The following NUP210 variants were observed in gnomAD, a reference collection of about 807,000 sequenced individuals.
NUP210 encodes the protein nucleoporin 210, also known as nuclear pore membrane glycoprotein 210.
NUP210 carries 151 observed loss-of-function variants against 196.0 expected under a neutral mutation model. That is an observed-to-expected ratio of 0.77 (90% CI 0.67 to 0.88). The LOEUF is 0.88. NUP210 is among the 40% of genes least tolerant of loss of function. The pLI, the probability that NUP210 is intolerant of heterozygous loss-of-function variation, is 0.00. For synonymous variants in NUP210, 1,070 were observed against 1,052.7 expected (o/e 1.02, Z -0.32); for missense variants, 2,314 against 2,493.7 (o/e 0.93, Z 1.53).
intron 4 of NUP210, among the ~76,000 whole-genome samples, chr3:13,390,231 G>A (rs1195683793): frequency 2.0e-5 from 3 of 152,208 alleles, no homozygotes; most frequent in African/African-American, 7.2e-5. Flanking sequence ...GGGACATGAG[G>A]CTGGCAGCCG....
At chr3:13,361,745 T>C (rs952098611) in intron 14 of NUP210, among the ~76,000 whole-genome samples, 2 of 152,170 alleles carry the variant, frequency 1.3e-5, no homozygotes, top group Non-Finnish European at 1.5e-5. Flanking sequence ...CCCTGTCCCT[T>C]GTGCATTAAA....
chr3:13,324,093 A>C (rs550172215), intron 33 of NUP210, among the ~76,000 whole-genome samples: 40 of 152,266 alleles, frequency 2.6e-4, no homozygotes, highest in African/African-American at 9.6e-4. Flanking sequence ...GATGTGGCCC[A>C]TGCAGAGCTG....
chr3:13,330,543 C>G lies in NUP210; in HGVS notation c.4027G>C (p.Gly1343Arg), dbSNP rs752231621. The change falls in exon 30 of 40, where the codon GGG (glycine) becomes CGG (arginine). Residue 1343 changes from glycine to arginine, a missense_variant. By Grantham distance (125) the Gly-to-Arg change is moderately radical. Transcript: ENST00000254508. ...HVDEKGFLAS[G>R]SMIGTSTIEV... ...ATGGTGGATGTCCCGATCATAGACC[C>G]TGATGCTAGAAAGCCTTTCTCATCA... is the stretch of plus-strand genomic sequence containing the variant. The G allele has an allele frequency of 6.2e-6, 10 of 1,614,130 alleles. No homozygotes were observed. Among genetic ancestry groups the G allele is most frequent in the Non-Finnish European group, 8.5e-6 (10 of 1,180,048 alleles).
At position 13,316,697 on chromosome 3, in the gene NUP210, G is replaced by A. The variant is rs1467385016; in HGVS notation, c.*984C>T. The A allele has an allele frequency of 2.0e-5, 3 of 152,306 alleles. No individual in the cohort carries two copies. The highest frequency in any genetic ancestry group is 4.8e-5 in the African/African-American group (2 of 41,470). The allele number at this position is 152,306 out of a possible 1,614,324, so 9.4% of individuals were successfully genotyped here. Reference sequence around the variant, plus strand: ...GCTGGGAAGCTGTCTGGGGCCCTGCGCCTGATGAGCTGCCATGAAAGTGGC... The same window carrying A: ...GCTGGGAAGCTGTCTGGGGCCCTGCACCTGATGAGCTGCCATGAAAGTGGC... On this transcript the variant is annotated 3_prime_UTR_variant, in exon 40 of 40. Transcript: ENST00000254508.
chr3:13,394,184 T>C (rs888059944), intron 3 of NUP210, among the ~76,000 whole-genome samples: 1 of 152,100 alleles, frequency 6.6e-6, no homozygotes, highest in Admixed American at 6.5e-5. Flanking sequence ...AAGCATGGCT[T>C]CTGAAAGCAG....
At chr3:13,370,244 C>T (rs1457213354) in intron 13 of NUP210, among the ~76,000 whole-genome samples, 2 of 152,194 alleles carry the variant, frequency 1.3e-5, no homozygotes, top group East Asian at 3.8e-4. Flanking sequence ...GTACAAGGCA[C>T]TTCCTAAGAG....
rs1698953488 is a variant in NUP210 at position 13,377,479 on chromosome 3, T to C, written c.1129A>G (p.Ser377Gly). Residue 377 changes from serine (S) to glycine (G), a missense_variant, in exon 9 of 40, where the codon AGC becomes GGC. Ser to Gly is a moderately conservative substitution (Grantham distance 56). Coordinates refer to ENST00000254508, the MANE Select transcript of NUP210 (RefSeq NM_024923.4). The part of the protein sequence containing the change: ...EITIEVFDKF[S>G]NKVYVSDNIR... ...ACGTCAGATACATAGACCTTGTTGC[T>C]GAACTTGTCAAAAACTTCGATGGTG... The C allele has an allele frequency of 1.2e-6, 2 of 1,613,636 alleles. No individual in the cohort carries two copies. The highest frequency in any genetic ancestry group is 2.2e-5 in the East Asian group (1 of 44,878).
chr3:13,352,028 A>C, intron 19 of NUP210, 48 bp from the exon 20 acceptor site: 1 of 1,602,010 alleles, frequency 6.2e-7, no homozygotes, highest in Non-Finnish European at 8.6e-7. Context: ...TGGGAGGGCG[A>C]GGAGTCCCCC....
At chr3:13,416,248 A>G (rs1700345029) in intron 1 of NUP210, among the ~76,000 whole-genome samples, 1 of 151,836 alleles carries the variant, frequency 6.6e-6, no homozygotes, top group African/African-American at 2.4e-5. Context: ...CAGGGGCAGG[A>G]AAGGAGAAGT....
chr3:13,412,503 C>T (rs976515573), intron 1 of NUP210, among the ~76,000 whole-genome samples: 7 of 151,920 alleles, frequency 4.6e-5, no homozygotes, highest in Admixed American at 6.5e-5. Flanking sequence ...CACCTGAGGT[C>T]GGGAGTTCGA....
chr3:13,398,855 G>C (rs1279282035), intron 2 of NUP210, among the ~76,000 whole-genome samples: 5 of 152,068 alleles, frequency 3.3e-5, no homozygotes, highest in Non-Finnish European at 5.9e-5. Flanking sequence ...GATTGCTTGA[G>C]TCCAGGAGGT....
At chr3:13,395,235 A>T (rs1006035649) in intron 3 of NUP210, among the ~76,000 whole-genome samples, 2 of 152,208 alleles carry the variant, frequency 1.3e-5, no homozygotes, top group African/African-American at 4.8e-5. Context: ...GGGAGAATGG[A>T]TACACATTCA....
intron 5 of NUP210, among the ~76,000 whole-genome samples, chr3:13,387,937 C>A (rs1228672312): frequency 6.6e-6 from 1 of 152,096 alleles, no homozygotes; most frequent in African/African-American, 2.4e-5. Context: ...CCCAGGAGCC[C>A]CAGGTTTTGT....
chr3:13,328,794 C>T lies in NUP210; in HGVS notation c.4263G>A (p.Ser1421=), dbSNP rs370150397. ...NSGDVFHAHS[S]VLNFATNRDD... is the part of the protein sequence containing the mutation. ...ACCTGTTAGTGGCAAAGTTGAGGACCGAACTGTGAGCATGGAAGACATCTC... is the reference window on the plus strand; with the variant it reads ...ACCTGTTAGTGGCAAAGTTGAGGACTGAACTGTGAGCATGGAAGACATCTC... Residue 1421 remains serine (S), a synonymous_variant, in exon 31 of 40, where the codon TCG becomes TCA. Transcript: ENST00000254508. 4.8e-5 allele frequency: 77 copies of T among 1,613,964 alleles called. No homozygotes were observed. The highest frequency in any genetic ancestry group is 2.4e-4 in the African/African-American group (18 of 74,914).
intron 13 of NUP210, among the ~76,000 whole-genome samples, chr3:13,366,642 C>A (rs1005845640): frequency 1.3e-5 from 2 of 151,558 alleles, no homozygotes; most frequent in African/African-American, 4.8e-5. Flanking sequence ...CTCAGCCTCC[C>A]GAGTAGCTGG....
chr3:13,404,548 C>T (rs1030527460), intron 1 of NUP210, among the ~76,000 whole-genome samples: 25 of 152,320 alleles, frequency 1.6e-4, no homozygotes, highest in Non-Finnish European at 3.2e-4. Flanking sequence ...ACTTAAAGAA[C>T]TACTGCTATG....
intron 33 of NUP210, 150 bp downstream of exon 33, chr3:13,325,645 G>T: frequency 2.4e-6 from 2 of 827,170 alleles, no homozygotes; most frequent in Non-Finnish European, 3.8e-6. Flanking sequence ...GTCAGAGTCA[G>T]CAAGTGGCCA....
Position 13,379,923 on chromosome 3 carries a change from TC to T in NUP210, c.818-203del, listed in dbSNP as rs1217761277. On this transcript the variant is annotated intron_variant, in intron 6 of 39. Transcript: ENST00000254508. This position sits in a 1 kb window ranked among gnomAD's most constrained non-coding sequence, Gnocchi z 4.2. ...GACAAAACTGACACTCCATGAATTT[TC>T]AGAGGCAATCAGTTTTTCTGTGTAA... Among the ~76,000 whole-genome samples the T allele has an allele frequency of 1.3e-5, 2 of 150,980 alleles. No individual in the cohort carries two copies. The highest frequency in any genetic ancestry group is 4.9e-5 in the African/African-American group (2 of 40,658).
intron 1 of NUP210, among the ~76,000 whole-genome samples, chr3:13,411,741 T>C (rs1245726789): frequency 6.6e-6 from 1 of 152,140 alleles, no homozygotes; most frequent in Non-Finnish European, 1.5e-5. Flanking sequence ...TATTCGTTTA[T>C]TTACTTATTT....
Sources: gnomAD v4.1 joint callset for allele counts (sites outside exome capture counted in the v4.1 genomes callset) on GRCh38, gnomAD v4.1.1 for gene constraint, Gnocchi (gnomAD v3.1) non-coding constraint, MANE v1.5 for transcripts, NCBI Gene and HGNC (gene_info 2026-07-23, HGNC 2026-07-21) for gene names.